BIRC6: variants seen among roughly 807,000 people sequenced by gnomAD.
The protein encoded by BIRC6 is baculoviral IAP repeat containing 6, also known as dual E2 ubiquitin-conjugating enzyme/E3 ubiquitin-protein ligase BIRC6.
Under a neutral mutation model 503.3 loss-of-function variants are expected in BIRC6, and 98 were observed. That is an observed-to-expected ratio of 0.19 (90% CI 0.17 to 0.23). The LOEUF (loss-of-function observed/expected upper bound fraction) is 0.23. Among genes scored for constraint, BIRC6 ranks in the 10% least tolerant of loss-of-function variants. The pLI is 1.00. For missense variants in BIRC6, 5,360 were observed against 5,806.0 expected (o/e 0.92, Z 2.50); for synonymous variants, 2,240 against 2,078.7 (o/e 1.08, Z -2.11).
chr2:32,454,073 G>A (rs2046984830), intron 23 of BIRC6, 131 bp downstream of exon 23: 2 of 722,030 alleles, frequency 2.8e-6, no homozygotes, highest in South Asian at 5.5e-5. Flanking sequence ...TTTGTGGGAG[G>A]GGCATTTGGG....
intron 50 of BIRC6, among the ~76,000 whole-genome samples, chr2:32,505,655 C>T (rs949351141): frequency 3.9e-5 from 6 of 152,194 alleles, no homozygotes; most frequent in African/African-American, 1.4e-4. Context: ...TTGACTACTT[C>T]AGTGTGATTT....
chr2:32,468,825 T>C (rs1424842275), intron 29 of BIRC6, 42 bp downstream of exon 29: 1 of 1,398,870 alleles, frequency 7.1e-7, no homozygotes, highest in Non-Finnish European at 9.7e-7. Context: ...GGGAATATAC[T>C]TGATGTGATT....
At chr2:32,527,011 C>T (rs2056327450) in intron 59 of BIRC6, 1 of 152,240 alleles carries the variant, frequency 6.6e-6, no homozygotes, top group African/African-American at 2.4e-5. Context: ...CAAAAAGACA[C>T]TGGGCTACAG....
At chr2:32,590,470 G>A (rs1423900328) in intron 66 of BIRC6, among the ~76,000 whole-genome samples, 2 of 152,158 alleles carry the variant, frequency 1.3e-5, no homozygotes, top group African/African-American at 4.8e-5. Flanking sequence ...CAAGGAAATA[G>A]CTGTATTAAG....
At chr2:32,489,712 G>A (rs1002949209) in intron 42 of BIRC6, among the ~76,000 whole-genome samples, 4 of 152,054 alleles carry the variant, frequency 2.6e-5, no homozygotes, top group Non-Finnish European at 4.4e-5. Context: ...ACTGTTTTCA[G>A]TTGCCAGTTT....
chr2:32,399,384 C>T (rs2149708169), intron 6 of BIRC6, among the ~76,000 whole-genome samples: 2 of 152,268 alleles, frequency 1.3e-5, no homozygotes, highest in Middle Eastern at 3.4e-3. Context: ...CCACGCCCAG[C>T]CTATTTTATT....
rs1450889958 is a variant in BIRC6 at position 32,518,244 on chromosome 2, G to A, written c.11350-10G>A. On this transcript the variant is annotated splice_polypyrimidine_tract_variant and intron_variant, in intron 55 of 73. Coordinates refer to ENST00000421745, the MANE Select transcript of BIRC6 (RefSeq NM_016252.4). Reference sequence around the variant, plus strand: ...TTGCATTTAACTTTTTAAATATTTTGTCTTGCCAGGTTCTTTGTGAACTAT... The same window carrying A: ...TTGCATTTAACTTTTTAAATATTTTATCTTGCCAGGTTCTTTGTGAACTAT... 6.2e-7 allele frequency: 1 copy of A among 1,606,774 alleles called. No homozygotes were observed. Among genetic ancestry groups the A allele is most frequent in the Non-Finnish European group, 8.5e-7 (1 of 1,177,206 alleles).
chr2:32,468,486 C>A lies in BIRC6; in HGVS notation c.5830C>A (p.Leu1944Ile). Residue 1944 changes from leucine to isoleucine, a missense_variant, in exon 29 of 74, where the codon CTT (leucine) becomes ATT (isoleucine). Leu to Ile is a conservative substitution (Grantham distance 5). Around this residue, in one of 16 missense-constraint regions of BIRC6, gnomAD observed 2,299 missense variants for 2,267.2 expected, o/e 1.01. Coordinates refer to ENST00000421745, the MANE Select transcript of BIRC6 (RefSeq NM_016252.4). ...GGAAACCCTTTTGCAAAGTATTGAT[C>A]TTCCTCCTCTAAACAGTGCTAACAA... Reference protein sequence around the residue: ...RLETLLQSIDLPPLNSANNAQ... With the variant: ...RLETLLQSIDIPPLNSANNAQ... The A allele has an allele frequency of 6.2e-7, 1 of 1,608,118 alleles. No homozygotes were observed.
chr2:32,612,939 C>G (rs1430381179), intron 73 of BIRC6, among the ~76,000 whole-genome samples: 1 of 152,120 alleles, frequency 6.6e-6, no homozygotes, highest in African/African-American at 2.4e-5. Context: ...CACTTCTTGC[C>G]TCCATTTTTT....
At position 32,380,206 on chromosome 2, in the gene BIRC6, G is replaced by A. The variant is rs2037425475; in HGVS notation, c.561G>A (p.Glu187=). 6.2e-7 allele frequency: 1 copy of A among 1,606,180 alleles called. No homozygotes were observed. Among genetic ancestry groups the A allele is most frequent in the African/African-American group, 1.3e-5 (1 of 74,698 alleles). The change falls in exon 3 of 74, where the codon GAG becomes GAA. Residue 187 remains glutamate, a synonymous_variant. Coordinates refer to ENST00000421745, the MANE Select transcript of BIRC6 (RefSeq NM_016252.4). Reference sequence around the variant, plus strand: ...AAAAGGTAGATATTTCTAGTACAGAGGGTTATGATTTGTTCATCACACAGC... The same window carrying A: ...AAAAGGTAGATATTTCTAGTACAGAAGGTTATGATTTGTTCATCACACAGC... ...CLEKVDISST[E]GYDLFITQLK...
intron 57 of BIRC6, 41 bp from the exon 58 acceptor site, chr2:32,524,847 A>G (rs2056116478): frequency 1.6e-6 from 2 of 1,248,206 alleles, no homozygotes; most frequent in Non-Finnish European, 2.1e-6. Context: ...CTTCTTAATG[A>G]TTTGGAAAAG....
intron 10 of BIRC6, among the ~76,000 whole-genome samples, chr2:32,426,057 T>G (rs1219501285): frequency 6.6e-6 from 1 of 152,252 alleles, no homozygotes; most frequent in Non-Finnish European, 1.5e-5. Flanking sequence ...CCAATCATAC[T>G]TTCTAGTTGA....
At chr2:32,535,098 C>T (rs1021649809) in intron 61 of BIRC6, among the ~76,000 whole-genome samples, 6 of 126,726 alleles carry the variant, frequency 4.7e-5, no homozygotes, top group East Asian at 2.6e-4. Context: ...CTTGAGCCCA[C>T]GGGTTCCAGA....
At chr2:32,583,746 C>T (rs1325037887) in intron 66 of BIRC6, among the ~76,000 whole-genome samples, 2 of 151,860 alleles carry the variant, frequency 1.3e-5, no homozygotes, top group South Asian at 2.1e-4. Flanking sequence ...TTTTTTTCCC[C>T]CTGAGACAGT....
chr2:32,594,945 A>T (rs868708670), intron 67 of BIRC6, 89 bp from the exon 68 acceptor site: 71 of 785,828 alleles, frequency 9.0e-5, no homozygotes, highest in Non-Finnish European at 1.3e-4. Context: ...TCACAATTTG[A>T]ACTCTAGAGG....
chr2:32,579,721 A>G (rs959230468), intron 66 of BIRC6, among the ~76,000 whole-genome samples: 2 of 152,070 alleles, frequency 1.3e-5, no homozygotes, highest in African/African-American at 4.8e-5. Context: ...GAAAATAAAA[A>G]AGAAAGCTGG....
chr2:32,509,585 G>A, intron 51 of BIRC6, 153 bp from the exon 52 acceptor site: 1 of 842,840 alleles, frequency 1.2e-6, no homozygotes, highest in South Asian at 1.8e-5. Flanking sequence ...CTTACTGTCT[G>A]TTTACTTAAT....
intron 61 of BIRC6, among the ~76,000 whole-genome samples, chr2:32,539,967 A>T (rs1237317574): frequency 2.0e-5 from 3 of 152,124 alleles, no homozygotes; most frequent in Non-Finnish European, 4.4e-5. Context: ...CAAGCACATT[A>T]TTATAATTTC....
intron 3 of BIRC6, among the ~76,000 whole-genome samples, chr2:32,381,540 C>G (rs1246417882): frequency 1.6e-5 from 2 of 125,350 alleles, no homozygotes; most frequent in Admixed American, 8.2e-5. Flanking sequence ...GCACCTGGCT[C>G]TTTTTTTTTT....
Sources: allele counts gnomAD v4.1 joint callset (sites outside exome capture counted in the v4.1 genomes callset), GRCh38; gene constraint gnomAD v4.1.1; regional missense constraint gnomAD v4.1.1; transcripts MANE v1.5; gene names NCBI Gene and HGNC (gene_info 2026-07-23, HGNC 2026-07-21).